Variants in MYO3B observed in about 807,000 individuals in gnomAD.
The protein encoded by MYO3B is myosin IIIB, also known as myosin-IIIb.
MYO3B carries 156 observed loss-of-function variants against 174.6 expected under a neutral mutation model. That is an observed-to-expected ratio of 0.89 (90% CI 0.78 to 1.02). The LOEUF (loss-of-function observed/expected upper bound fraction) is 1.02. MYO3B is among the 50% of genes least tolerant of loss of function. MYO3B has a pLI of 0.00. For synonymous variants in MYO3B, 563 were observed against 569.1 expected (o/e 0.99, Z 0.15); for missense variants, 1,632 against 1,639.4 (o/e 1.00, Z 0.08).
At chr2:170,462,303 G>A (rs974741827) in intron 23 of MYO3B, among the ~76,000 whole-genome samples, 1 of 152,182 alleles carries the variant, frequency 6.6e-6, no homozygotes, top group African/African-American at 2.4e-5. Flanking sequence ...CTCACTGATA[G>A]GTTGTTTTTC....
At chr2:170,488,060 C>A (rs191054235) in intron 25 of MYO3B, among the ~76,000 whole-genome samples, 4 of 152,334 alleles carry the variant, frequency 2.6e-5, no homozygotes, top group Admixed American at 2.6e-4. Flanking sequence ...CAATTCAACA[C>A]CATGTTATGC....
At chr2:170,634,944 A>T (rs990954388) in intron 32 of MYO3B, among the ~76,000 whole-genome samples, 2 of 152,232 alleles carry the variant, frequency 1.3e-5, no homozygotes, top group South Asian at 2.1e-4. Flanking sequence ...TAGAATGGCG[A>T]TAATTAAAAA....
At chr2:170,517,389 C>G (rs1446997171) in intron 29 of MYO3B, among the ~76,000 whole-genome samples, 1 of 152,138 alleles carries the variant, frequency 6.6e-6, no homozygotes, top group Non-Finnish European at 1.5e-5. Context: ...TGCTTCCTCT[C>G]GTTCTGGTCT....
intron 25 of MYO3B, among the ~76,000 whole-genome samples, chr2:170,495,384 A>G (rs567783198): frequency 1.3e-5 from 2 of 152,340 alleles, no homozygotes; most frequent in African/African-American, 2.4e-5. Context: ...TATGTCACTT[A>G]CATGTTTCTT....
chr2:170,567,593 A>G (rs538325145), intron 32 of MYO3B, among the ~76,000 whole-genome samples: 6 of 152,348 alleles, frequency 3.9e-5, no homozygotes, highest in African/African-American at 1.2e-4. Flanking sequence ...GTCAGCAGAA[A>G]ATGCTTTGTT....
At chr2:170,459,941 C>A (rs775153530) in intron 23 of MYO3B, among the ~76,000 whole-genome samples, 1 of 152,110 alleles carries the variant, frequency 6.6e-6, no homozygotes, top group Non-Finnish European at 1.5e-5. Flanking sequence ...CTGAGCCTGC[C>A]CCCACCCGGA....
Position 170,637,171 on chromosome 2 carries a change from GTTT to G in MYO3B, c.3734-14440_3734-14438del, listed in dbSNP as rs33947498. Among the ~76,000 whole-genome samples, 195 of 125,258 alleles carry G rather than the reference GTTT, an allele frequency of 1.6e-3. 1 individual carries two copies. The South Asian group carries it at 0.026, about 17-fold the overall frequency. The allele number at this position is 125,258 out of a possible 152,430, so 82.2% of individuals were successfully genotyped here. ...TCAGGTAGGTCACTCAGAGTGTAGG[GTTT>G]TTTTTTTTTTTTTTTTAGATGGAGT... On this transcript the variant is annotated intron_variant, in intron 32 of 34. Coordinates refer to ENST00000408978, the MANE Select transcript of MYO3B (RefSeq NM_138995.5).
At chr2:170,304,528 G>C (rs1238243570) in intron 7 of MYO3B, among the ~76,000 whole-genome samples, 1 of 146,782 alleles carries the variant, frequency 6.8e-6, no homozygotes, top group African/African-American at 2.5e-5. Context: ...GCAGTGGCGT[G>C]ACCTCAGCTC....
At chr2:170,363,088 C>A (rs562974016) in intron 8 of MYO3B, among the ~76,000 whole-genome samples, 2 of 152,120 alleles carry the variant, frequency 1.3e-5, no homozygotes, top group Admixed American at 6.5e-5. Flanking sequence ...GTGAATCACA[C>A]GGCAGGGAAA....
chr2:170,560,948 TC>T (rs1032274346), intron 32 of MYO3B, among the ~76,000 whole-genome samples: 2 of 152,172 alleles, frequency 1.3e-5, no homozygotes, highest in Admixed American at 6.5e-5. Flanking sequence ...AAGTGTTCAT[TC>T]CTTTTTTGTC....
At chr2:170,642,697 G>A (rs1352818693) in intron 32 of MYO3B, among the ~76,000 whole-genome samples, 1 of 152,086 alleles carries the variant, frequency 6.6e-6, no homozygotes. Context: ...TAAGCTCCTT[G>A]AGCCTCAGAC....
intron 22 of MYO3B, among the ~76,000 whole-genome samples, chr2:170,428,365 T>C (rs745878473): frequency 2.6e-5 from 4 of 152,260 alleles, no homozygotes; most frequent in Non-Finnish European, 4.4e-5. Context: ...TTAGTTTTAT[T>C]GTCTTTATTT....
intron 22 of MYO3B, among the ~76,000 whole-genome samples, chr2:170,427,251 T>C (rs1340434026): frequency 3.3e-5 from 5 of 152,204 alleles, no homozygotes; most frequent in Non-Finnish European, 7.3e-5. Flanking sequence ...TTGGCCTTTA[T>C]TCTCAATAGG....
Position 170,478,098 on chromosome 2 carries a change from A to C in MYO3B, c.3014+11387A>C, listed in dbSNP as rs559233072. On this transcript the variant is annotated intron_variant, in intron 25 of 34. Coordinates refer to ENST00000408978, the MANE Select transcript of MYO3B (RefSeq NM_138995.5). ...CTCTACTATTTTTTATCAGGAAAGA[A>C]AAAATTTTTTCAGAAGCCATTTTAC... Among the ~76,000 whole-genome samples, 4 of 152,308 alleles carry C rather than the reference A, an allele frequency of 2.6e-5. No individual in the cohort carries two copies. The East Asian group carries it at 7.7e-4, about 29-fold the overall frequency.
chr2:170,351,651 A>C (rs75040854), intron 8 of MYO3B, among the ~76,000 whole-genome samples: 2 of 152,112 alleles, frequency 1.3e-5, no homozygotes. Context: ...AGGGAGAGAG[A>C]AAACAAAATC....
chr2:170,356,061 C>T lies in MYO3B; in HGVS notation c.816-13161C>T, dbSNP rs555492731. On this transcript the variant is annotated intron_variant, in intron 8 of 34. Coordinates refer to ENST00000408978, the MANE Select transcript of MYO3B (RefSeq NM_138995.5). ...CTGCAAGCTCTGCCTCCTGGGTTCA[C>T]GCCATTCTCCTGCCTCAGCCTCCCA... Among the ~76,000 whole-genome samples, 19 of 151,494 alleles carry T rather than the reference C, an allele frequency of 1.3e-4. No homozygotes were observed. The East Asian group carries it at 3.0e-3, about 24-fold the overall frequency.
chr2:170,422,693 T>C (rs901888287), intron 22 of MYO3B, among the ~76,000 whole-genome samples: 2 of 151,950 alleles, frequency 1.3e-5, no homozygotes, highest in South Asian at 2.1e-4. Context: ...TGACCTCAGG[T>C]GATCCACCCG....
At chr2:170,405,230 GA>G (rs2094502777) in intron 20 of MYO3B, among the ~76,000 whole-genome samples, 1 of 152,166 alleles carries the variant, frequency 6.6e-6, no homozygotes, top group Non-Finnish European at 1.5e-5. Flanking sequence ...AAGTTGTCCA[GA>G]TGAGTTTAAA....
chr2:170,256,544 A>G (rs532061376), intron 7 of MYO3B, among the ~76,000 whole-genome samples: 153 of 152,354 alleles, frequency 1.0e-3, no homozygotes, highest in African/African-American at 3.3e-3. Context: ...ATCAAGATTC[A>G]TAAGCAAAGG....
Sources: gnomAD v4.1 joint callset for allele counts (sites outside exome capture counted in the v4.1 genomes callset) on GRCh38, gnomAD v4.1.1 for gene constraint, MANE v1.5 for transcripts, NCBI Gene and HGNC (gene_info 2026-07-23, HGNC 2026-07-21) for gene names.